CACNA1D: variants seen among roughly 807,000 people sequenced by gnomAD.
CACNA1D encodes calcium voltage-gated channel subunit alpha1 D.
A neutral mutation model predicts 257.1 loss-of-function variants in CACNA1D; 55 were observed. That is an observed-to-expected ratio of 0.21 (90% CI 0.17 to 0.27). The LOEUF is 0.27. CACNA1D is among the 10% of genes least tolerant of loss of function. CACNA1D has a pLI of 1.00. For synonymous variants in CACNA1D, 980 were observed against 1,014.9 expected (o/e 0.97, Z 0.65); for missense variants, 1,876 against 2,784.0 (o/e 0.67, Z 7.34).
In CACNA1D at chr3:53,772,841, G is replaced by A. The variant is rs763428428; in HGVS notation, c.4053G>A (p.Pro1351=). ...WTFIKSFQAL[P]YVALLIAMLF... ...TGCCTTTTCTCTCCCAGGCGCTCCC[G>A]TATGTGGCCCTCCTCATAGCCATGC... The change falls in exon 33 of 48, where the codon CCG becomes CCA. Residue 1351 remains proline (P), a synonymous_variant. Coordinates refer to ENST00000350061, the MANE Select transcript of CACNA1D (RefSeq NM_001128840.3). The A allele has an allele frequency of 2.2e-5, 35 of 1,612,532 alleles. 1 individual carries two copies. The highest frequency in any genetic ancestry group is 8.8e-5 in the South Asian group (8 of 90,900).
At chr3:53,716,564 TTTTG>T (rs1336910643) in intron 9 of CACNA1D, among the ~76,000 whole-genome samples, 7 of 111,530 alleles carry the variant, frequency 6.3e-5, no homozygotes, top group Non-Finnish European at 9.0e-5. Flanking sequence ...GAGTCGTATT[TTTTG>T]TTTGTTTTTG....
At chr3:53,658,192 C>CT (rs113734297) in intron 4 of CACNA1D, among the ~76,000 whole-genome samples, 39,913 of 145,478 alleles carry the variant, frequency 0.27, 5,598 homozygotes, top group African/African-American at 0.37. Flanking sequence ...GCCCGTGGCA[C>CT]TTTTTTTTTT....
At chr3:53,619,422 A>G (rs1027146259) in intron 3 of CACNA1D, among the ~76,000 whole-genome samples, 8 of 152,200 alleles carry the variant, frequency 5.3e-5, no homozygotes, top group Non-Finnish European at 1.0e-4. Flanking sequence ...TGGGTAATTT[A>G]CCTGGCACTG....
chr3:53,543,327 A>G (rs540352154), intron 3 of CACNA1D, among the ~76,000 whole-genome samples: 7 of 152,088 alleles, frequency 4.6e-5, no homozygotes, highest in Admixed American at 6.5e-5. Context: ...CCATCCCCCA[A>G]CCCATTTCGG....
chr3:53,713,606 G>A (rs541113176), intron 9 of CACNA1D, among the ~76,000 whole-genome samples: 119 of 151,882 alleles, frequency 7.8e-4, no homozygotes, highest in Non-Finnish European at 1.4e-3. Flanking sequence ...TCGTCCTTCA[G>A]CATGAGAGTA....
intron 8 of CACNA1D, among the ~76,000 whole-genome samples, chr3:53,694,075 A>C (rs1426173068): frequency 6.6e-6 from 1 of 152,148 alleles, no homozygotes; most frequent in Admixed American, 6.5e-5. Context: ...TTTGTGTGTG[A>C]TGGCTGGCTG....
intron 20 of CACNA1D, among the ~76,000 whole-genome samples, chr3:53,738,005 G>T (rs1468643907): frequency 6.6e-6 from 1 of 152,198 alleles, no homozygotes; most frequent in Non-Finnish European, 1.5e-5. Flanking sequence ...ACCATTCAAA[G>T]GCAAGACGGC....
rs554904977 is a variant in CACNA1D at position 53,596,788 on chromosome 3, C to T, written c.484-53991C>T. On this transcript the variant is annotated intron_variant, in intron 3 of 47. Coordinates refer to ENST00000350061, the MANE Select transcript of CACNA1D (RefSeq NM_001128840.3). ...AGCAAGACCCATTTCTGCCATCTGACCTTCAGAACTGTAAGATACTAAGTT... is the reference window on the plus strand; with the variant it reads ...AGCAAGACCCATTTCTGCCATCTGATCTTCAGAACTGTAAGATACTAAGTT... Among the ~76,000 whole-genome samples the T allele has an allele frequency of 2.0e-5, 3 of 152,306 alleles. No homozygotes were observed. The South Asian group carries it at 6.2e-4, about 32-fold the overall frequency.
At chr3:53,624,702 C>A (rs1028170817) in intron 3 of CACNA1D, among the ~76,000 whole-genome samples, 4 of 152,176 alleles carry the variant, frequency 2.6e-5, no homozygotes, top group African/African-American at 7.2e-5. Flanking sequence ...TATGACGCAC[C>A]CCCAAATTCT....
At chr3:53,566,465 T>A (rs1490714068) in intron 3 of CACNA1D, among the ~76,000 whole-genome samples, 6 of 152,134 alleles carry the variant, frequency 3.9e-5, no homozygotes, top group Non-Finnish European at 8.8e-5. Context: ...TCTCCCATAA[T>A]AGCACCCACA....
chr3:53,805,232 G>A, intron 45 of CACNA1D, 86 bp downstream of exon 45: 1 of 1,284,110 alleles, frequency 7.8e-7, no homozygotes, highest in Non-Finnish European at 1.1e-6. Flanking sequence ...GCCGGTGATG[G>A]ATGTGTGCTG....
chr3:53,693,390 A>G (rs1460301099), intron 8 of CACNA1D, among the ~76,000 whole-genome samples: 6 of 152,086 alleles, frequency 3.9e-5, no homozygotes, highest in Admixed American at 3.9e-4. Flanking sequence ...AATGCTTTTG[A>G]TGAACTATGA....
chr3:53,554,418 G>A (rs2092599951), intron 3 of CACNA1D, among the ~76,000 whole-genome samples: 1 of 152,132 alleles, frequency 6.6e-6, no homozygotes, highest in Non-Finnish European at 1.5e-5. Context: ...GCTGTGTCTA[G>A]CCTCACAGCC....
chr3:53,568,862 C>T (rs1284097755), intron 3 of CACNA1D, among the ~76,000 whole-genome samples: 1 of 152,158 alleles, frequency 6.6e-6, no homozygotes, highest in African/African-American at 2.4e-5. Context: ...CCTCTTGAAA[C>T]TCATCGTCAT....
Position 53,775,985 on chromosome 3 carries a change from A to C in CACNA1D, c.4302A>C (p.Thr1434=). 1 of 1,614,118 alleles carries C rather than the reference A, an allele frequency of 6.2e-7. No individual in the cohort carries two copies. Among genetic ancestry groups the C allele is most frequent in the Non-Finnish European group, 8.5e-7 (1 of 1,179,958 alleles). ...ATTACAACCCCGGGGAGGAGTATACATGTGGGAGCAACTTTGCCATTGTCT... is the reference window on the plus strand; with the variant it reads ...ATTACAACCCCGGGGAGGAGTATACCTGTGGGAGCAACTTTGCCATTGTCT... ...ESDYNPGEEY[T]CGSNFAIVYF... The change falls in exon 35 of 48, where the codon ACA becomes ACC. Residue 1434 remains threonine (T), a synonymous_variant. Coordinates refer to ENST00000350061, the MANE Select transcript of CACNA1D (RefSeq NM_001128840.3).
intron 3 of CACNA1D, among the ~76,000 whole-genome samples, chr3:53,550,378 C>A (rs2092506260): frequency 6.6e-6 from 1 of 152,154 alleles, no homozygotes; most frequent in Non-Finnish European, 1.5e-5. Flanking sequence ...AGGTCTAGGT[C>A]TCACTCCCTC....
chr3:53,566,645 T>C lies in CACNA1D; in HGVS notation c.483+64925T>C, dbSNP rs555265381. ...CACACATGTGCCACAGCGTGGCACA[T>C]GGGAGCCGCTTGAGAGCTGTTTGCT... is the stretch of plus-strand genomic sequence containing the variant. On this transcript the variant is annotated intron_variant, in intron 3 of 47. Coordinates refer to ENST00000350061, the MANE Select transcript of CACNA1D (RefSeq NM_001128840.3). Among the ~76,000 whole-genome samples the C allele has an allele frequency of 5.3e-5, 8 of 152,304 alleles. No individual in the cohort carries two copies. In the East Asian group the frequency reaches 1.4e-3, roughly 26 times the overall value.
At chr3:53,689,731 T>C (rs2094503302) in intron 8 of CACNA1D, among the ~76,000 whole-genome samples, 1 of 152,202 alleles carries the variant, frequency 6.6e-6, no homozygotes, top group Admixed American at 6.5e-5. Flanking sequence ...CGATTGTAGC[T>C]CATTGCAGCC....
rs141818652 is a variant in CACNA1D at position 53,811,647 on chromosome 3, G to A, written c.*241G>A. On this transcript the variant is annotated 3_prime_UTR_variant, in exon 48 of 48. Transcript: ENST00000350061. The surrounding 1 kb of genome is among the most constrained non-coding windows in gnomAD (Gnocchi z 4.2). ...CCAGCTGCAGGAAACAGCAGGCCCC[G>A]CCCTCTCACAGAGGATGGGTGAGGA... 5.0e-5 allele frequency: 21 copies of A among 417,626 alleles called. No individual in the cohort carries two copies. Among genetic ancestry groups the A allele is most frequent in the African/African-American group, 2.0e-4 (10 of 49,792 alleles). 25.9% of individuals were successfully genotyped at this position (417,626 alleles called of 1,614,324 possible). A position where few individuals can be genotyped will look rare whatever the true frequency, so the allele number is the denominator to read the frequency against.
Sources: allele counts gnomAD v4.1 joint callset (sites outside exome capture counted in the v4.1 genomes callset), GRCh38; gene constraint gnomAD v4.1.1; non-coding constraint Gnocchi (gnomAD v3.1); transcripts MANE v1.5; gene names NCBI Gene and HGNC (gene_info 2026-07-23, HGNC 2026-07-21).